NXPE2: variants seen among roughly 807,000 people sequenced by gnomAD.
NXPE2 encodes the protein neurexophilin and PC-esterase domain family member 2.
NXPE2 carries 34 observed loss-of-function variants against 34.4 expected under a neutral mutation model. That is an observed-to-expected ratio of 0.99 (90% CI 0.75 to 1.31). The LOEUF is 1.31. Among genes scored for constraint, NXPE2 ranks in the 40% most tolerant of loss-of-function variants. The probability of loss-of-function intolerance (pLI) is 0.00; values close to 1 mark genes in which losing one functional copy is unlikely to be tolerated. For synonymous variants in NXPE2, 235 were observed against 231.3 expected (o/e 1.02, Z -0.15); for missense variants, 649 against 672.5 (o/e 0.97, Z 0.39).
the NXPE2 span, among the ~76,000 whole-genome samples, chr11:114,601,979 A>C: frequency 1.3e-5 from 1 of 76,408 alleles, no homozygotes. Context: ...ATATTCTGTT[A>C]TATATAATAT....
At chr11:114,681,329 G>A (rs1950946690) in intron 2 of NXPE2, among the ~76,000 whole-genome samples, 1 of 152,152 alleles carries the variant, frequency 6.6e-6, no homozygotes, top group Admixed American at 6.5e-5. Context: ...TATCATGTTT[G>A]TGTTCAAGAA....
chr11:114,649,805 T>C, the NXPE2 span, among the ~76,000 whole-genome samples: 1 of 152,186 alleles, frequency 6.6e-6, no homozygotes, highest in Non-Finnish European at 1.5e-5. Context: ...TGGGCTAATA[T>C]TTACCAACCA....
At chr11:114,774,660 C>G in the NXPE2 span, among the ~76,000 whole-genome samples, 1 of 152,358 alleles carries the variant, frequency 6.6e-6, no homozygotes, top group African/African-American at 2.4e-5. Flanking sequence ...CCTTGTCCCA[C>G]TGAAAGGTGC....
At chr11:114,646,525 A>T in the NXPE2 span, among the ~76,000 whole-genome samples, 18 of 152,108 alleles carry the variant, frequency 1.2e-4, no homozygotes, top group South Asian at 1.5e-3. Context: ...GTAATTTTTT[A>T]AAAAACCTGA....
At chr11:114,568,146 C>T in the NXPE2 span, among the ~76,000 whole-genome samples, 83 of 152,286 alleles carry the variant, frequency 5.5e-4, no homozygotes, top group African/African-American at 2.0e-3. Context: ...TATCTGAGCT[C>T]ACGTTCCCTT....
At chr11:114,602,206 A>G in the NXPE2 span, among the ~76,000 whole-genome samples, 2 of 108,078 alleles carry the variant, frequency 1.9e-5, no homozygotes, top group Admixed American at 1.3e-4. Context: ...ATATAATACT[A>G]TATACAATAT....
chr11:114,686,831 C>G (rs966723291), intron 2 of NXPE2, among the ~76,000 whole-genome samples: 1 of 152,028 alleles, frequency 6.6e-6, no homozygotes, highest in Non-Finnish European at 1.5e-5. Context: ...TGAGATGGTA[C>G]CTCACTGGAG....
chr11:114,607,437 G>A, the NXPE2 span, among the ~76,000 whole-genome samples: 2 of 151,866 alleles, frequency 1.3e-5, no homozygotes, highest in Admixed American at 6.6e-5. Flanking sequence ...TTCCTCGTGG[G>A]AAACCACTGT....
chr11:114,565,329 A>G, the NXPE2 span, among the ~76,000 whole-genome samples: 3 of 152,184 alleles, frequency 2.0e-5, no homozygotes, highest in Non-Finnish European at 2.9e-5. Flanking sequence ...ATCTGTTTAA[A>G]ATAGGTGGCT....
chr11:114,620,129 C>T, the NXPE2 span, among the ~76,000 whole-genome samples: 28,966 of 151,898 alleles, frequency 0.19, 3,168 homozygotes, highest in African/African-American at 0.29. Context: ...CGTATTTCCT[C>T]GTGGGAAACC....
At chr11:114,532,752 T>A in the NXPE2 span, among the ~76,000 whole-genome samples, 1 of 152,156 alleles carries the variant, frequency 6.6e-6, no homozygotes, top group Non-Finnish European at 1.5e-5. Flanking sequence ...TAAAAGTATA[T>A]AGGTAGATTA....
chr11:114,682,163 A>T (rs1345814527), intron 2 of NXPE2, among the ~76,000 whole-genome samples: 3 of 152,176 alleles, frequency 2.0e-5, no homozygotes, highest in Non-Finnish European at 4.4e-5. Context: ...ACAATCTATA[A>T]CATTTTCATC....
chr11:114,699,760 G>A (rs1037846658), intron 3 of NXPE2, among the ~76,000 whole-genome samples: 10 of 151,378 alleles, frequency 6.6e-5, no homozygotes, highest in South Asian at 2.1e-4. Flanking sequence ...TAAGCTCTGC[G>A]AGCATTAAGT....
At chr11:114,588,490 G>T in the NXPE2 span, among the ~76,000 whole-genome samples, 4 of 152,098 alleles carry the variant, frequency 2.6e-5, no homozygotes, top group Non-Finnish European at 4.4e-5. Flanking sequence ...AGCTCTGCAG[G>T]CAGGGGAGAA....
At chr11:114,755,779 T>C in the NXPE2 span, among the ~76,000 whole-genome samples, 3 of 152,176 alleles carry the variant, frequency 2.0e-5, no homozygotes, top group East Asian at 5.8e-4. Context: ...CTATCTTATC[T>C]ATCTTGTTCT....
chr11:114,647,707 T>C, the NXPE2 span, among the ~76,000 whole-genome samples: 1 of 146,246 alleles, frequency 6.8e-6, no homozygotes, highest in Admixed American at 6.7e-5. Context: ...TTTATTTTAT[T>C]TTTTTTTTTT....
chr11:114,670,981 A>G, the NXPE2 span, among the ~76,000 whole-genome samples: 1 of 150,588 alleles, frequency 6.6e-6, no homozygotes, highest in Non-Finnish European at 1.5e-5. Flanking sequence ...GCTTAAAAAA[A>G]GAAAGGAAAT....
chr11:114,648,852 A>G, the NXPE2 span, among the ~76,000 whole-genome samples: 1 of 152,222 alleles, frequency 6.6e-6, no homozygotes, highest in Non-Finnish European at 1.5e-5. Flanking sequence ...TTTGTATACC[A>G]TAGTCAAAAT....
At chr11:114,470,582 C>CGTGTGTGTGTGT in the NXPE2 span, among the ~76,000 whole-genome samples, 32 of 144,942 alleles carry the variant, frequency 2.2e-4, no homozygotes, top group African/African-American at 6.1e-4. Context: ...AAAGAATTGA[C>CGTGTGTGTGTGT]GTGTGTGTGT....
Sources: gnomAD v4.1 joint callset for allele counts (sites outside exome capture counted in the v4.1 genomes callset) on GRCh38, gnomAD v4.1.1 for gene constraint, MANE v1.5 for transcripts, NCBI Gene and HGNC (gene_info 2026-07-23, HGNC 2026-07-21) for gene names.